Variants in ESR1 observed in about 807,000 individuals in gnomAD.
ESR1 encodes the protein estrogen receptor.
In ESR1, 12 loss-of-function variants were observed where a neutral mutation model predicts 52.7. The ratio of observed to expected loss-of-function variants is 0.23; its 90% CI spans 0.15 to 0.37. ESR1 has a LOEUF of 0.37. Among genes scored for constraint, ESR1 ranks in the 10% least tolerant of loss-of-function variants. The pLI is 1.00. For missense variants in ESR1, 584 were observed against 779.7 expected, an observed-to-expected ratio of 0.75 and a Z score of 2.99; for synonymous variants, 305 against 316.8, an observed-to-expected ratio of 0.96 and a Z score of 0.39.
At chr6:151,911,836 C>CCGG (rs1376235032) in intron 3 of ESR1, among the ~76,000 whole-genome samples, 4 of 152,176 alleles carry the variant, frequency 2.6e-5, no homozygotes, top group Non-Finnish European at 5.9e-5. Context: ...TGACATGCAC[C>CCGG]CGGCATTGAG....
At chr6:152,035,620 A>G (rs1302131109) in intron 5 of ESR1, among the ~76,000 whole-genome samples, 2 of 152,188 alleles carry the variant, frequency 1.3e-5, no homozygotes, top group Non-Finnish European at 1.5e-5. Context: ...GAAGATGAAA[A>G]TTAAAGTTGA....
intron 2 of ESR1, among the ~76,000 whole-genome samples, chr6:151,849,489 C>T (rs772384978): frequency 6.6e-6 from 1 of 151,878 alleles, no homozygotes; most frequent in Non-Finnish European, 1.5e-5. Flanking sequence ...ACTAAAAATA[C>T]AAAAATTAGC....
chr6:151,950,299 TGTG>T (rs1005125372), intron 4 of ESR1, among the ~76,000 whole-genome samples: 3 of 152,152 alleles, frequency 2.0e-5, no homozygotes, highest in African/African-American at 7.2e-5. Flanking sequence ...GTAGTGGACT[TGTG>T]GTGTCCCCAG....
At chr6:151,989,307 A>C (rs2040800080) in intron 4 of ESR1, among the ~76,000 whole-genome samples, 1 of 152,128 alleles carries the variant, frequency 6.6e-6, no homozygotes, top group African/African-American at 2.4e-5. Context: ...AATCAAAAAC[A>C]AGATGATCCA....
intron 2 of ESR1, among the ~76,000 whole-genome samples, chr6:151,735,864 C>A (rs945794719): frequency 6.6e-6 from 1 of 152,020 alleles, no homozygotes; most frequent in Non-Finnish European, 1.5e-5. Flanking sequence ...GGGGGCAATT[C>A]CCCCATGCTG....
chr6:151,895,133 GTT>G (rs34563069), intron 3 of ESR1, among the ~76,000 whole-genome samples: 81 of 125,848 alleles, frequency 6.4e-4, no homozygotes, highest in Non-Finnish European at 8.9e-4. Context: ...GTTTTTTTTG[GTT>G]TTTTTTTTTT....
intron 6 of ESR1, among the ~76,000 whole-genome samples, chr6:152,063,954 A>G (rs1223367822): frequency 6.6e-6 from 1 of 152,222 alleles, no homozygotes; most frequent in African/African-American, 2.4e-5. Flanking sequence ...CCTGCTCGGA[A>G]TGTCTTTCTG....
rs184611720 is a variant in ESR1, at chr6:152,017,409, A to G, written c.1235+5615A>G. Among the ~76,000 whole-genome samples the G allele has an allele frequency of 7.1e-4, 108 of 152,254 alleles. 1 individual carries two copies. Among genetic ancestry groups the G allele is most frequent in the Admixed American group, 6.9e-3 (105 of 15,288 alleles). On this transcript the variant is annotated intron_variant, in intron 5 of 7. Transcript: ENST00000206249. ...TAATGCTGTCATCTCTTCCTGTGAA[A>G]ACCAAGAAATAAAGGTTATTATAAG...
chr6:152,008,981 T>A (rs2042554197), intron 4 of ESR1, among the ~76,000 whole-genome samples: 1 of 152,010 alleles, frequency 6.6e-6, no homozygotes, highest in Non-Finnish European at 1.5e-5. Flanking sequence ...AGATCGTGGG[T>A]ATTGAGAAAG....
At chr6:151,722,592 A>G (rs530576085) in intron 2 of ESR1, among the ~76,000 whole-genome samples, 1 of 152,240 alleles carries the variant, frequency 6.6e-6, no homozygotes, top group African/African-American at 2.4e-5. Flanking sequence ...TCCTTAAAAC[A>G]GTAATGATCA....
intron 6 of ESR1, among the ~76,000 whole-genome samples, chr6:152,110,610 G>C (rs1385399416): frequency 1.3e-5 from 2 of 151,984 alleles, no homozygotes; most frequent in African/African-American, 4.8e-5. Flanking sequence ...AAAATAATCG[G>C]TATGCCAAAC....
chr6:151,982,670 G>C (rs1459795243), intron 4 of ESR1, among the ~76,000 whole-genome samples: 1 of 151,904 alleles, frequency 6.6e-6, no homozygotes, highest in Non-Finnish European at 1.5e-5. Context: ...ATTTTTAGTA[G>C]AGACGGGGTT....
At chr6:152,004,848 T>G (rs1314064175) in intron 4 of ESR1, among the ~76,000 whole-genome samples, 2 of 152,070 alleles carry the variant, frequency 1.3e-5, no homozygotes, top group Non-Finnish European at 2.9e-5. Flanking sequence ...TTTCAAGAAA[T>G]GGTCATCTTA....
intron 2 of ESR1, among the ~76,000 whole-genome samples, chr6:151,782,262 A>C (rs1176800423): frequency 6.6e-6 from 1 of 152,240 alleles, no homozygotes; most frequent in Non-Finnish European, 1.5e-5. Context: ...CTAATGTATC[A>C]TCATGTAAAA....
At chr6:151,833,665 C>A (rs1782811820) in intron 1 of ESR1, among the ~76,000 whole-genome samples, 1 of 152,196 alleles carries the variant, frequency 6.6e-6, no homozygotes, top group South Asian at 2.1e-4. Context: ...GAGGTCACCA[C>A]AGTCCCTGCC....
At chr6:151,943,236 C>T (rs369160024) in intron 3 of ESR1, among the ~76,000 whole-genome samples, 1 of 151,828 alleles carries the variant, frequency 6.6e-6, no homozygotes, top group Non-Finnish European at 1.5e-5. Flanking sequence ...AAAAATTAGC[C>T]GGGCATGGTG....
At chr6:151,744,528 T>C (rs533213768) in intron 2 of ESR1, among the ~76,000 whole-genome samples, 1 of 152,370 alleles carries the variant, frequency 6.6e-6, no homozygotes, top group African/African-American at 2.4e-5. Context: ...TGAGAAAATG[T>C]ATGTTCAATT....
chr6:151,894,873 C>G (rs150898997), intron 3 of ESR1, among the ~76,000 whole-genome samples: 2,567 of 151,924 alleles, frequency 0.017, 80 homozygotes, highest in African/African-American at 0.059. Flanking sequence ...TATGTGGGCT[C>G]TTTTTTGGTT....
chr6:152,104,428 A>G (rs2051037375), downstream of ESR1, among the ~76,000 whole-genome samples: 1 of 152,180 alleles, frequency 6.6e-6, no homozygotes, highest in South Asian at 2.1e-4. Context: ...TCAGCACTCA[A>G]TCCACATTAG....
Sources: allele counts gnomAD v4.1 joint callset (sites outside exome capture counted in the v4.1 genomes callset), GRCh38; gene constraint gnomAD v4.1.1; transcripts MANE v1.5; gene names NCBI Gene and HGNC (gene_info 2026-07-23, HGNC 2026-07-21).